MACROD2: variants seen among roughly 807,000 people sequenced by gnomAD.
MACROD2 encodes the protein mono-ADP ribosylhydrolase 2.
Under a neutral mutation model 70.4 loss-of-function variants are expected in MACROD2, and 36 were observed. That is an observed-to-expected ratio of 0.51 (90% CI 0.39 to 0.68). MACROD2 has a LOEUF of 0.68. MACROD2 is among the 30% of genes least tolerant of loss of function. MACROD2 has a pLI of 0.00. For synonymous variants in MACROD2, 172 were observed against 178.8 expected, an observed-to-expected ratio of 0.96 and a Z score of 0.30; for missense variants, 496 against 538.4, an observed-to-expected ratio of 0.92 and a Z score of 0.78.
intron 3 of MACROD2, among the ~76,000 whole-genome samples, chr20:14,108,473 G>C (rs1353790849): frequency 7.0e-6 from 1 of 141,934 alleles, no homozygotes. Context: ...TGGCTAAGTG[G>C]ATAAAAAAAA....
intron 8 of MACROD2, among the ~76,000 whole-genome samples, chr20:15,666,753 T>C (rs1157151601): frequency 1.3e-5 from 2 of 152,164 alleles, no homozygotes; most frequent in Non-Finnish European, 2.9e-5. Flanking sequence ...GATTACAGTC[T>C]AGTGGAGGAC....
rs117469835 is a variant in MACROD2, at chr20:14,279,275, A to G, written c.271+193547A>G. On this transcript the variant is annotated intron_variant, in intron 3 of 17. Coordinates refer to ENST00000684519, the MANE Select transcript of MACROD2 (RefSeq NM_001351661.2). The stretch of plus-strand genomic sequence containing the variant: ...TATCTTCTCTCCTCTTCCTAAAAAC[A>G]AAAACAAACAAACAAAAACAAGTGT... Among the ~76,000 whole-genome samples, 654 of 152,324 alleles carry G rather than the reference A, an allele frequency of 4.3e-3. 4 individuals carry two copies. The highest frequency in any genetic ancestry group is 5.3e-3 in the Non-Finnish European group (359 of 68,030).
intron 4 of MACROD2, among the ~76,000 whole-genome samples, chr20:14,498,256 A>G (rs2084876513): frequency 1.3e-5 from 2 of 148,518 alleles, no homozygotes; most frequent in South Asian, 4.1e-4. Context: ...CATCCATGTA[A>G]CCATAAAACA....
At chr20:15,156,059 G>T (rs771764430) in intron 5 of MACROD2, among the ~76,000 whole-genome samples, 6 of 152,160 alleles carry the variant, frequency 3.9e-5, no homozygotes, top group Middle Eastern at 3.2e-3. Flanking sequence ...ATCTCCAGAT[G>T]ATGGTACTTA....
chr20:15,566,833 A>G (rs1439746824), intron 8 of MACROD2, among the ~76,000 whole-genome samples: 1 of 152,122 alleles, frequency 6.6e-6, no homozygotes, highest in Non-Finnish European at 1.5e-5. Context: ...TTTTCCAATT[A>G]TGCAGTAATT....
At chr20:15,192,934 G>T (rs1465932877) in intron 5 of MACROD2, among the ~76,000 whole-genome samples, 4 of 152,262 alleles carry the variant, frequency 2.6e-5, no homozygotes, top group Admixed American at 1.3e-4. Context: ...TGAATTTTTG[G>T]TGTCAAAACA....
At chr20:15,375,737 T>C (rs1246330197) in intron 6 of MACROD2, among the ~76,000 whole-genome samples, 2 of 152,192 alleles carry the variant, frequency 1.3e-5, no homozygotes, top group Admixed American at 1.3e-4. Context: ...TTTTATACAT[T>C]TTAGCTCATT....
intron 5 of MACROD2, among the ~76,000 whole-genome samples, chr20:14,824,688 T>A (rs1241440321): frequency 6.6e-6 from 1 of 152,074 alleles, no homozygotes; most frequent in Non-Finnish European, 1.5e-5. Flanking sequence ...AGTCCCAGTG[T>A]GCAAGTACTT....
chr20:14,063,677 G>A (rs575507543), intron 2 of MACROD2, among the ~76,000 whole-genome samples: 4 of 152,172 alleles, frequency 2.6e-5, no homozygotes, highest in South Asian at 2.1e-4. Flanking sequence ...CCAAGATTAT[G>A]TGTATGCAAA....
rs577660879 is a variant in MACROD2 at position 16,021,662 on chromosome 20, A to G, written c.1154-19539A>G. On this transcript the variant is annotated intron_variant, in intron 15 of 17. Transcript: ENST00000684519. ...AACACTCCACTAAGTGCTTTATTAA[A>G]TGCATTACCTATCTATGAGGTAGGC... 1.4e-4 allele frequency among the ~76,000 whole-genome samples: 22 copies of G among 152,324 alleles called. No individual in the cohort carries two copies. The East Asian group carries it at 1.7e-3, about 12-fold the overall frequency.
At chr20:14,759,000 C>G (rs2071979907) in intron 5 of MACROD2, among the ~76,000 whole-genome samples, 1 of 152,006 alleles carries the variant, frequency 6.6e-6, no homozygotes, top group Admixed American at 6.6e-5. Context: ...TTTTCTATCT[C>G]CTTTTTCAAG....
intron 5 of MACROD2, among the ~76,000 whole-genome samples, chr20:15,153,959 T>C (rs1363719496): frequency 6.6e-6 from 1 of 152,140 alleles, no homozygotes; most frequent in East Asian, 1.9e-4. Context: ...CACAAATGAT[T>C]GGAGTTATAA....
At chr20:15,399,226 C>T (rs868833316) in intron 6 of MACROD2, among the ~76,000 whole-genome samples, 7 of 152,024 alleles carry the variant, frequency 4.6e-5, no homozygotes, top group African/African-American at 9.7e-5. Flanking sequence ...TAATAGAATA[C>T]AGTCACCCTC....
intron 4 of MACROD2, among the ~76,000 whole-genome samples, chr20:14,607,925 C>T (rs1378269064): frequency 6.6e-6 from 1 of 152,064 alleles, no homozygotes; most frequent in African/African-American, 2.4e-5. Context: ...TAGTGGATAG[C>T]TACTTGAATT....
intron 5 of MACROD2, among the ~76,000 whole-genome samples, chr20:14,766,825 T>C (rs4141463): frequency 0.5 from 75,274 of 151,988 alleles, 19,730 homozygotes; most frequent in Non-Finnish European, 0.59. Flanking sequence ...CAAGATCTCT[T>C]TTTTCTTTTG....
rs113289511 is a variant in MACROD2 at position 15,862,563 on chromosome 20, C to T, written c.646-182C>T. The stretch of plus-strand genomic sequence containing the variant: ...TTTATATACAGAGTACACACACGCA[C>T]ACACACACACACACATTCTTACACA... On this transcript the variant is annotated intron_variant, in intron 8 of 17. Transcript: ENST00000684519. Among the ~76,000 whole-genome samples the T allele has an allele frequency of 2.5e-3, 382 of 151,102 alleles. 2 individuals carry two copies. The highest frequency in any genetic ancestry group is 8.7e-3 in the African/African-American group (359 of 41,330).
chr20:15,737,318 A>G (rs960543583), intron 8 of MACROD2, among the ~76,000 whole-genome samples: 4 of 152,248 alleles, frequency 2.6e-5, no homozygotes, highest in African/African-American at 9.6e-5. Flanking sequence ...GATGTGAGTT[A>G]TACATCCTCA....
chr20:15,658,436 G>GT, intron 8 of MACROD2, among the ~76,000 whole-genome samples: 1 of 152,280 alleles, frequency 6.6e-6, no homozygotes, highest in East Asian at 1.9e-4. Context: ...AACAAAGGCA[G>GT]TATCTGTTTT....
intron 8 of MACROD2, among the ~76,000 whole-genome samples, chr20:15,803,061 T>C (rs1455267459): frequency 6.6e-6 from 1 of 152,094 alleles, no homozygotes; most frequent in Non-Finnish European, 1.5e-5. Flanking sequence ...AGATGGCTTA[T>C]TGCTGAATTC....
Sources: allele counts gnomAD v4.1 joint callset (sites outside exome capture counted in the v4.1 genomes callset), GRCh38; gene constraint gnomAD v4.1.1; transcripts MANE v1.5; gene names NCBI Gene and HGNC (gene_info 2026-07-23, HGNC 2026-07-21).